Variants in POC5 observed in about 807,000 individuals in gnomAD.
POC5 encodes the protein POC5 centriolar protein, also known as centrosomal protein POC5.
POC5 carries 48 observed loss-of-function variants against 62.9 expected under a neutral mutation model. The observed-to-expected ratio is 0.76, with a 90% CI of 0.61 to 0.97. The LOEUF (loss-of-function observed/expected upper bound fraction) is 0.97, where lower values mean the gene tolerates loss of function less well. Among genes scored for constraint, POC5 ranks in the 50% least tolerant of loss-of-function variants. The pLI, the probability that POC5 is intolerant of heterozygous loss-of-function variation, is 0.00. For synonymous variants in POC5, 236 were observed against 228.2 expected (o/e 1.03, Z -0.31); for missense variants, 696 against 679.5 (o/e 1.02, Z -0.27).
intron 4 of POC5, among the ~76,000 whole-genome samples, chr5:75,704,935 C>T (rs1777056383): frequency 6.6e-6 from 1 of 152,234 alleles, no homozygotes; most frequent in Admixed American, 6.5e-5. Context: ...CATGGTGGCT[C>T]ATGCCTGTAA....
chr5:75,675,165 A>T (rs552916825), intron 11 of POC5, among the ~76,000 whole-genome samples: 1 of 152,350 alleles, frequency 6.6e-6, no homozygotes, highest in Non-Finnish European at 1.5e-5. Flanking sequence ...GCACTGAGTC[A>T]TTAAAGTCAG....
At chr5:75,706,154 A>T (rs952729826) in intron 3 of POC5, among the ~76,000 whole-genome samples, 5 of 152,216 alleles carry the variant, frequency 3.3e-5, no homozygotes, top group African/African-American at 1.2e-4. Flanking sequence ...CACTAGCCAC[A>T]ATCAAACTCA....
chr5:75,716,882 G>A (rs1348778198), intron 1 of POC5, among the ~76,000 whole-genome samples: 1 of 152,130 alleles, frequency 6.6e-6, no homozygotes, highest in South Asian at 2.1e-4. Flanking sequence ...AGGCCTAGCT[G>A]CACTCAAGGA....
In POC5 at chr5:75,685,385, A is replaced by G. The variant is rs1776061423; in HGVS notation, c.1229T>C (p.Leu410Ser). 6.2e-7 allele frequency: 1 copy of G among 1,614,036 alleles called. No individual in the cohort carries two copies. Among genetic ancestry groups the G allele is most frequent in the Non-Finnish European group, 8.5e-7 (1 of 1,179,896 alleles). ...HLDPSAPPMPLPVTSPLLPSP... is the reference protein window; with the variant it reads ...HLDPSAPPMPSPVTSPLLPSP... Reference sequence around the variant, plus strand: ...TGGCAGCAGTGGTGATGTAACTGGTAAGGGCATCGGAGGAGCTGAAGGATC... The same window carrying G: ...TGGCAGCAGTGGTGATGTAACTGGTGAGGGCATCGGAGGAGCTGAAGGATC... The change falls in exon 10 of 12, where the codon TTA becomes TCA. Residue 410 changes from leucine to serine, a missense_variant. Physicochemically the swap from Leu to Ser is moderately radical, Grantham distance 145. Transcript: ENST00000428202.
intron 5 of POC5, among the ~76,000 whole-genome samples, chr5:75,699,533 T>A (rs201929360): frequency 0.31 from 34,338 of 110,902 alleles, 7,569 homozygotes; most frequent in East Asian, 0.51. Context: ...CATGCTAAAA[T>A]CTCTCAATAA....
At chr5:75,702,455 T>C (rs775723744) in intron 5 of POC5, 150 bp downstream of exon 5, 1 of 744,834 alleles carries the variant, frequency 1.3e-6, no homozygotes, top group South Asian at 2.0e-5. Context: ...ACATTAAAGA[T>C]TGAGAAGCAA....
intron 9 of POC5, among the ~76,000 whole-genome samples, chr5:75,687,930 C>T (rs1776167669): frequency 6.6e-6 from 1 of 152,220 alleles, no homozygotes; most frequent in Middle Eastern, 3.4e-3. Flanking sequence ...AAATAAAAGA[C>T]CATTTATTGG....
At chr5:75,700,325 AAG>A (rs1776814024) in intron 5 of POC5, among the ~76,000 whole-genome samples, 1 of 151,470 alleles carries the variant, frequency 6.6e-6, no homozygotes, top group African/African-American at 2.4e-5. Context: ...ACTATACTAC[AAG>A]GCTACAGTAA....
At chr5:75,677,574 C>T (rs1775715723) in intron 11 of POC5, 200 bp downstream of exon 11, 2 of 339,484 alleles carry the variant, frequency 5.9e-6, no homozygotes, top group East Asian at 4.4e-5. Context: ...TTCCCAACAG[C>T]AGAAACGTAG....
intron 9 of POC5, among the ~76,000 whole-genome samples, chr5:75,688,779 T>G (rs1383867481): frequency 6.6e-6 from 1 of 152,240 alleles, no homozygotes; most frequent in Non-Finnish European, 1.5e-5. Flanking sequence ...TTAGCTTAAA[T>G]ACTTAGGAGT....
chr5:75,700,540 C>T (rs1309194640), intron 5 of POC5, among the ~76,000 whole-genome samples: 6 of 149,740 alleles, frequency 4.0e-5, no homozygotes, highest in African/African-American at 1.2e-4. Context: ...AACTGGATCC[C>T]TTCCTTACAC....
Position 75,675,694 on chromosome 5 carries a change from C to T in POC5, c.1585-1116G>A, listed in dbSNP as rs553055549. Among the ~76,000 whole-genome samples the T allele has an allele frequency of 4.6e-5, 7 of 152,256 alleles. No homozygotes were observed. The East Asian group carries it at 1.3e-3, about 29-fold the overall frequency. ...GCAACAGATAAGAAATTTTAGTTGC[C>T]AGTCACCTAATTAGTTGCCAGCCAC... is the stretch of plus-strand genomic sequence containing the variant. On this transcript the variant is annotated intron_variant, in intron 11 of 11. Coordinates refer to ENST00000428202, the MANE Select transcript of POC5 (RefSeq NM_001099271.2).
rs867056275 is a variant in POC5, at chr5:75,681,635, A to T, written c.1407+3572T>A. On this transcript the variant is annotated intron_variant, in intron 10 of 11. Coordinates refer to ENST00000428202, the MANE Select transcript of POC5 (RefSeq NM_001099271.2). The stretch of plus-strand genomic sequence containing the variant: ...ATTTAAATTTAAATAATTTTTTAAA[A>T]TAATAATATTTTAAAATAAGATATT... 3.5e-3 allele frequency among the ~76,000 whole-genome samples: 511 copies of T among 144,816 alleles called. 4 individuals carry two copies. Among genetic ancestry groups the T allele is most frequent in the Middle Eastern group, 7.0e-3 (2 of 286 alleles).
intron 1 of POC5, among the ~76,000 whole-genome samples, chr5:75,715,476 TGA>T (rs145442255): frequency 0.074 from 11,185 of 152,022 alleles, 445 homozygotes; most frequent in South Asian, 0.093. Context: ...AGACAGTATG[TGA>T]GAGAGTGCAG....
Position 75,674,364 on chromosome 5 carries a change from TA to T in POC5, c.*70del. 1 of 1,496,166 alleles carries T rather than the reference TA, an allele frequency of 6.7e-7. No homozygotes were observed. 92.7% of individuals were successfully genotyped at this position (1,496,166 alleles called of 1,614,324 possible). The stretch of plus-strand genomic sequence containing the variant: ...TGATGTTCTAACAATATGGAAAAGT[TA>T]AAACCAAAAGACTTCTAACCCTTGG... On this transcript the variant is annotated 3_prime_UTR_variant, in exon 12 of 12. Coordinates refer to ENST00000428202, the MANE Select transcript of POC5 (RefSeq NM_001099271.2).
At chr5:75,680,966 T>C (rs1333798902) in intron 10 of POC5, among the ~76,000 whole-genome samples, 1 of 152,140 alleles carries the variant, frequency 6.6e-6, no homozygotes, top group Non-Finnish European at 1.5e-5. Flanking sequence ...CACTTACTGG[T>C]ACCAATCATG....
chr5:75,693,954 T>C (rs1349436372), intron 6 of POC5, among the ~76,000 whole-genome samples: 1 of 152,214 alleles, frequency 6.6e-6, no homozygotes, highest in Non-Finnish European at 1.5e-5. Context: ...ATGTTTTCTG[T>C]GTTTATCAAT....
chr5:75,715,048 C>T (rs1409270533), intron 1 of POC5, among the ~76,000 whole-genome samples: 1 of 151,946 alleles, frequency 6.6e-6, no homozygotes, highest in Non-Finnish European at 1.5e-5. Context: ...CACGGTGGCT[C>T]ATGCCTGCAA....
At chr5:75,701,839 C>G (rs565731480) in intron 5 of POC5, among the ~76,000 whole-genome samples, 13 of 152,280 alleles carry the variant, frequency 8.5e-5, no homozygotes, top group African/African-American at 3.1e-4. Flanking sequence ...AGTTTTATCA[C>G]TTACACATCA....
Sources: allele counts gnomAD v4.1 joint callset (sites outside exome capture counted in the v4.1 genomes callset), GRCh38; gene constraint gnomAD v4.1.1; transcripts MANE v1.5; gene names NCBI Gene and HGNC (gene_info 2026-07-23, HGNC 2026-07-21).